The following CAMKMT variants were observed in gnomAD, a reference collection of about 807,000 sequenced individuals.
CAMKMT encodes the protein CaM KMT.
CAMKMT carries 53 observed loss-of-function variants against 48.0 expected under a neutral mutation model. The ratio of observed to expected loss-of-function variants is 1.10; its 90% CI spans 0.89 to 1.39. The LOEUF is 1.39. CAMKMT is among the 40% of genes most tolerant of loss of function. CAMKMT has a pLI of 0.00. For missense variants in CAMKMT, 428 were observed against 402.7 expected (o/e 1.06, Z -0.54); for synonymous variants, 165 against 152.3 (o/e 1.08, Z -0.61).
At chr2:44,729,678 C>T (rs1163899872) in intron 7 of CAMKMT, among the ~76,000 whole-genome samples, 1 of 151,966 alleles carries the variant, frequency 6.6e-6, no homozygotes, top group Admixed American at 6.6e-5. Flanking sequence ...TAAGGGGAAG[C>T]TGAGGTGGAA....
intron 6 of CAMKMT, among the ~76,000 whole-genome samples, chr2:44,710,640 T>C (rs1252811227): frequency 6.6e-6 from 1 of 151,990 alleles, no homozygotes; most frequent in Non-Finnish European, 1.5e-5. Context: ...GCAATGCCCC[T>C]TTAGTGTCAA....
intron 10 of CAMKMT, among the ~76,000 whole-genome samples, chr2:44,769,043 A>G (rs924544748): frequency 1.3e-5 from 2 of 151,972 alleles, no homozygotes; most frequent in African/African-American, 4.8e-5. Context: ...CGCGTCACTC[A>G]TACACAGCTG....
intron 3 of CAMKMT, among the ~76,000 whole-genome samples, chr2:44,655,135 T>C (rs1674304767): frequency 6.6e-6 from 1 of 152,192 alleles, no homozygotes; most frequent in Non-Finnish European, 1.5e-5. Context: ...AATTTTTAGG[T>C]GTCAGAGATC....
intron 3 of CAMKMT, among the ~76,000 whole-genome samples, chr2:44,472,017 G>A (rs777901846): frequency 2.0e-5 from 3 of 152,080 alleles, no homozygotes; most frequent in Non-Finnish European, 2.9e-5. Context: ...TAAGGGGTTG[G>A]TATGAAGATT....
At chr2:44,704,204 A>G in intron 3 of CAMKMT, 79 bp from the exon 4 acceptor site, 2 of 1,094,542 alleles carry the variant, frequency 1.8e-6, no homozygotes, top group Non-Finnish European at 2.7e-6. Context: ...AATAGCTTGT[A>G]CTGAACATTA....
At chr2:44,754,422 C>G (rs1680282101) in intron 9 of CAMKMT, among the ~76,000 whole-genome samples, 1 of 152,164 alleles carries the variant, frequency 6.6e-6, no homozygotes, top group Non-Finnish European at 1.5e-5. Flanking sequence ...ATAACAATAT[C>G]TTCATATTAA....
intron 3 of CAMKMT, among the ~76,000 whole-genome samples, chr2:44,486,451 G>A (rs1400418044): frequency 1.3e-5 from 2 of 152,144 alleles, no homozygotes; most frequent in African/African-American, 2.4e-5. Flanking sequence ...AAGCAGTCTG[G>A]AATGTGGATA....
At chr2:44,611,438 AG>A (rs1295267014) in intron 3 of CAMKMT, among the ~76,000 whole-genome samples, 2 of 151,850 alleles carry the variant, frequency 1.3e-5, no homozygotes, top group Non-Finnish European at 2.9e-5. Flanking sequence ...TGTCCCCAAA[AG>A]AAAAAAAAAA....
chr2:44,736,269 T>A (rs1679351656), intron 7 of CAMKMT, among the ~76,000 whole-genome samples: 1 of 152,222 alleles, frequency 6.6e-6, no homozygotes, highest in Non-Finnish European at 1.5e-5. Context: ...TTTTGAAATA[T>A]ATTTTCACTG....
chr2:44,431,980 G>C (rs989713220), intron 3 of CAMKMT, among the ~76,000 whole-genome samples: 15 of 152,156 alleles, frequency 9.9e-5, no homozygotes, highest in African/African-American at 3.6e-4. Context: ...ACCAGCTCAG[G>C]TATAGGCAGA....
At chr2:44,649,078 A>C (rs1322925739) in intron 3 of CAMKMT, among the ~76,000 whole-genome samples, 2 of 152,270 alleles carry the variant, frequency 1.3e-5, no homozygotes, top group African/African-American at 2.4e-5. Context: ...TCACACATAC[A>C]CATATCCCAC....
At chr2:44,638,759 C>T (rs1301401750) in intron 3 of CAMKMT, among the ~76,000 whole-genome samples, 1 of 152,188 alleles carries the variant, frequency 6.6e-6, no homozygotes, top group East Asian at 1.9e-4. Flanking sequence ...AAGTAGGAGG[C>T]ATGCACCGTT....
At chr2:44,695,949 A>G (rs115897984) in intron 3 of CAMKMT, among the ~76,000 whole-genome samples, 2,506 of 151,770 alleles carry the variant, frequency 0.017, 30 homozygotes, top group African/African-American at 0.037. Context: ...TTTTTATTTT[A>G]TTTTATTTTT....
intron 3 of CAMKMT, among the ~76,000 whole-genome samples, chr2:44,622,070 T>C (rs919206677): frequency 1.3e-5 from 2 of 152,152 alleles, no homozygotes; most frequent in African/African-American, 4.8e-5. Context: ...CAGATAGTGG[T>C]TTAATTTACG....
intron 3 of CAMKMT, among the ~76,000 whole-genome samples, chr2:44,423,772 A>G (rs950826450): frequency 6.6e-6 from 1 of 152,216 alleles, no homozygotes; most frequent in African/African-American, 2.4e-5. Context: ...AATAAAATAT[A>G]TTGAAGGCTT....
At chr2:44,651,413 G>A (rs1375687805) in intron 3 of CAMKMT, among the ~76,000 whole-genome samples, 3 of 152,274 alleles carry the variant, frequency 2.0e-5, no homozygotes, top group East Asian at 1.9e-4. Context: ...GCCAGACGCC[G>A]TGGCATATGC....
chr2:44,567,721 T>C (rs1204674767), intron 3 of CAMKMT, among the ~76,000 whole-genome samples: 1 of 152,198 alleles, frequency 6.6e-6, no homozygotes, highest in African/African-American at 2.4e-5. Context: ...TGCAGTTATG[T>C]CTTGTCCTGT....
chr2:44,702,435 T>G (rs184301259), intron 3 of CAMKMT, among the ~76,000 whole-genome samples: 83 of 152,296 alleles, frequency 5.4e-4, no homozygotes, highest in Non-Finnish European at 6.8e-4. Context: ...TTGATCTTAT[T>G]ATGTGTTAGG....
intron 9 of CAMKMT, among the ~76,000 whole-genome samples, chr2:44,762,993 T>G (rs1680680064): frequency 6.6e-6 from 1 of 152,260 alleles, no homozygotes; most frequent in Non-Finnish European, 1.5e-5. Flanking sequence ...ATTCCTTTTC[T>G]GGTTTTGATT....
Sources: allele counts gnomAD v4.1 joint callset (sites outside exome capture counted in the v4.1 genomes callset), GRCh38; gene constraint gnomAD v4.1.1; transcripts MANE v1.5; gene names NCBI Gene and HGNC (gene_info 2026-07-23, HGNC 2026-07-21).